SLC24A4: variants seen among roughly 807,000 people sequenced by gnomAD.
The protein encoded by SLC24A4 is solute carrier family 24 member 4.
In SLC24A4, 53 loss-of-function variants were observed where a neutral mutation model predicts 79.0. That is an observed-to-expected ratio of 0.67 (90% CI 0.54 to 0.84). The LOEUF (loss-of-function observed/expected upper bound fraction) is 0.84, where lower values mean the gene tolerates loss of function less well. Ranked by LOEUF, SLC24A4 falls within the 40% of genes least tolerant of loss-of-function variation. The pLI is 0.00. For synonymous variants in SLC24A4, 323 were observed against 323.8 expected (o/e 1.00, Z 0.03); for missense variants, 731 against 822.0 (o/e 0.89, Z 1.35).
intron 2 of SLC24A4, among the ~76,000 whole-genome samples, chr14:92,392,290 G>A (rs181366663): frequency 6.6e-6 from 1 of 151,612 alleles, no homozygotes; most frequent in Admixed American, 6.6e-5. Flanking sequence ...TAGAATCATT[G>A]AAAGAAAAGA....
At chr14:92,359,872 C>T (rs1055416952) in intron 2 of SLC24A4, among the ~76,000 whole-genome samples, 9 of 152,212 alleles carry the variant, frequency 5.9e-5, no homozygotes, top group Admixed American at 2.0e-4. Flanking sequence ...TTAAGAAAAA[C>T]TCTTTATGTA....
chr14:92,408,174 T>C (rs2141781940), intron 2 of SLC24A4, among the ~76,000 whole-genome samples: 1 of 149,744 alleles, frequency 6.7e-6, no homozygotes, highest in East Asian at 2.0e-4. Flanking sequence ...GCAGTGTGTG[T>C]GTGTGTGTGT....
intron 6 of SLC24A4, 38 bp from the exon 7 acceptor site, chr14:92,443,362 T>C (rs2139814227): frequency 1.2e-6 from 2 of 1,610,982 alleles, no homozygotes; most frequent in Non-Finnish European, 1.7e-6. Flanking sequence ...TCCCCGCTTC[T>C]GCGCTCATAG....
At chr14:92,364,861 C>T (rs914179235) in intron 2 of SLC24A4, among the ~76,000 whole-genome samples, 3 of 152,228 alleles carry the variant, frequency 2.0e-5, no homozygotes, top group East Asian at 1.9e-4. Flanking sequence ...CTGGGTGCCT[C>T]ATTAGTGTTT....
At chr14:92,491,811 A>G (rs1221318122) in intron 15 of SLC24A4, 34 bp downstream of exon 15, 10 of 1,538,922 alleles carry the variant, frequency 6.5e-6, no homozygotes, top group Non-Finnish European at 9.0e-6. Flanking sequence ...GATGTGTTTT[A>G]CCCAGAAGGC....
In SLC24A4 at chr14:92,398,279, C is replaced by T. The variant is rs369664710; in HGVS notation, c.242-35633C>T. 2.1e-4 allele frequency among the ~76,000 whole-genome samples: 32 copies of T among 152,266 alleles called. No individual in the cohort carries two copies. The highest frequency in any genetic ancestry group is 9.7e-4 in the East Asian group (5 of 5,180). On this transcript the variant is annotated intron_variant, in intron 2 of 16. Coordinates refer to ENST00000532405, the MANE Select transcript of SLC24A4 (RefSeq NM_153646.4). The surrounding 1 kb of genome is among the most constrained non-coding windows in gnomAD (Gnocchi z 4.1). ...GCTAGACTAAGGATGCCCTTATCTT[C>T]GGAGCAGTAGAGGTCACCGAGGGCT...
chr14:92,467,792 G>T (rs574601615), intron 12 of SLC24A4, among the ~76,000 whole-genome samples: 2 of 152,306 alleles, frequency 1.3e-5, no homozygotes, highest in South Asian at 4.1e-4. Context: ...GGCCAGCACA[G>T]AAGCCCACAC....
chr14:92,478,732 T>G (rs1435262795), intron 12 of SLC24A4, among the ~76,000 whole-genome samples: 1 of 152,160 alleles, frequency 6.6e-6, no homozygotes, highest in South Asian at 2.1e-4. Flanking sequence ...CTTGTCAGTT[T>G]CTGCTCAGCT....
At chr14:92,416,638 G>A (rs1890998876) in intron 2 of SLC24A4, among the ~76,000 whole-genome samples, 1 of 152,306 alleles carries the variant, frequency 6.6e-6, no homozygotes, top group Non-Finnish European at 1.5e-5. Context: ...CTGCTATTTT[G>A]TTCTGTGATC....
At chr14:92,329,336 C>A (rs1341777529) in intron 2 of SLC24A4, among the ~76,000 whole-genome samples, 1 of 152,182 alleles carries the variant, frequency 6.6e-6, no homozygotes. Context: ...AGAGGAAGAA[C>A]TTTATTTTCC....
Position 92,494,484 on chromosome 14 carries a change from G to A in SLC24A4, c.*856G>A, listed in dbSNP as rs186010698. 28 of 152,350 alleles carry A rather than the reference G, an allele frequency of 1.8e-4. No individual in the cohort carries two copies. The highest frequency in any genetic ancestry group is 1.2e-4 in the Non-Finnish European group (8 of 68,038). 9.4% of individuals were successfully genotyped at this position (152,350 alleles called of 1,614,324 possible). ...ATAGGGAAAAAGGTAAGAGACTAAC[G>A]TGGAAAGGTGCTAACTCAGAGACTG... On this transcript the variant is annotated 3_prime_UTR_variant, in exon 17 of 17. Coordinates refer to ENST00000532405, the MANE Select transcript of SLC24A4 (RefSeq NM_153646.4). This position sits in a 1 kb window ranked among gnomAD's most constrained non-coding sequence, Gnocchi z 4.6.
chr14:92,373,722 A>G (rs1028874101), intron 2 of SLC24A4, among the ~76,000 whole-genome samples: 9 of 152,214 alleles, frequency 5.9e-5, no homozygotes, highest in African/African-American at 1.9e-4. Context: ...ATGAGAAAGA[A>G]CACTCTTCAC....
At chr14:92,435,226 G>A (rs1000633438) in intron 3 of SLC24A4, among the ~76,000 whole-genome samples, 3 of 152,184 alleles carry the variant, frequency 2.0e-5, no homozygotes, top group African/African-American at 7.2e-5. Context: ...GGGGGGTCAG[G>A]TAGTAATTTG....
chr14:92,492,959 A>ACACAC (rs1895772404), intron 16 of SLC24A4: 5 of 299,268 alleles, frequency 1.7e-5, no homozygotes, highest in South Asian at 5.0e-5. Flanking sequence ...CTCTACCCCA[A>ACACAC]ACACACACAC....
At chr14:92,489,176 A>G (rs10147551) in intron 14 of SLC24A4, among the ~76,000 whole-genome samples, 113,941 of 151,772 alleles carry the variant, frequency 0.75, 43,122 homozygotes, top group African/African-American at 0.83. Flanking sequence ...GGTGGGTCAT[A>G]CCTGTAATCC....
intron 2 of SLC24A4, among the ~76,000 whole-genome samples, chr14:92,380,089 TA>T (rs1314357194): frequency 4.6e-5 from 7 of 152,102 alleles, no homozygotes. Flanking sequence ...GCACCTGGCA[TA>T]GGGGAGGGCC....
At chr14:92,470,537 TCA>T (rs916701316) in intron 12 of SLC24A4, among the ~76,000 whole-genome samples, 3 of 152,234 alleles carry the variant, frequency 2.0e-5, no homozygotes, top group African/African-American at 7.2e-5. Flanking sequence ...GACTTTTTTT[TCA>T]CATAATTAAA....
At chr14:92,464,758 C>T (rs532916106) in intron 12 of SLC24A4, among the ~76,000 whole-genome samples, 2 of 152,252 alleles carry the variant, frequency 1.3e-5, no homozygotes, top group South Asian at 4.2e-4. Flanking sequence ...TGGGGGCTGC[C>T]GAGGATGTCA....
At chr14:92,370,410 C>CTAT (rs147170891) in intron 2 of SLC24A4, among the ~76,000 whole-genome samples, 42 of 151,924 alleles carry the variant, frequency 2.8e-4, no homozygotes, top group African/African-American at 8.5e-4. Flanking sequence ...AAAGGCATTG[C>CTAT]TATTATTATT....
Sources: gnomAD v4.1 joint callset for allele counts (sites outside exome capture counted in the v4.1 genomes callset) on GRCh38, gnomAD v4.1.1 for gene constraint, Gnocchi (gnomAD v3.1) non-coding constraint, MANE v1.5 for transcripts, NCBI Gene and HGNC (gene_info 2026-07-23, HGNC 2026-07-21) for gene names.